GLRA2: variants seen among roughly 807,000 people sequenced by gnomAD.
GLRA2 encodes glycine receptor subunit alpha-2.
In GLRA2, 11 loss-of-function variants were observed where a neutral mutation model predicts 31.6. The observed-to-expected ratio is 0.35, with a 90% CI of 0.22 to 0.58. The LOEUF (loss-of-function observed/expected upper bound fraction) is 0.58. Among genes scored for constraint, GLRA2 ranks in the 20% least tolerant of loss-of-function variants. GLRA2 has a pLI of 0.84. For missense variants in GLRA2, 212 were observed against 351.8 expected, an observed-to-expected ratio of 0.60 and a Z score of 3.18; for synonymous variants, 132 against 134.0, an observed-to-expected ratio of 0.99 and a Z score of 0.10.
the GLRA2 span, among the ~76,000 whole-genome samples, chrX:14,454,897 A>G: frequency 1.8e-5 from 2 of 112,646 alleles, no homozygotes; most frequent in Non-Finnish European, 3.8e-5. Context: ...AGTTTTAAAA[A>G]TAGCTATCCC....
Position 14,688,583 on chromosome X carries a change from T to C in GLRA2, c.931-2127T>C, listed in dbSNP as rs1020799902. ...CTAGCAATGAGTGAGGCTCCGTGGG[T>C]GTGGGACCCTCCGAGCCAGGCGCAG... On this transcript the variant is annotated intron_variant, in intron 7 of 8. Transcript: ENST00000218075. Among the ~76,000 whole-genome samples, 14 of 111,458 alleles carry C rather than the reference T, an allele frequency of 1.3e-4. 1 individual carries two copies. Among genetic ancestry groups the C allele is most frequent in the African/African-American group, 4.6e-4 (14 of 30,689 alleles).
the GLRA2 span, among the ~76,000 whole-genome samples, chrX:14,459,480 C>T: frequency 1.4e-4 from 15 of 109,173 alleles, no homozygotes; most frequent in East Asian, 5.7e-4. Context: ...GCCATTTTCA[C>T]GATATTGATT....
At chrX:14,468,388 T>C in the GLRA2 span, among the ~76,000 whole-genome samples, 1 of 111,752 alleles carries the variant, frequency 8.9e-6, no homozygotes, top group African/African-American at 3.3e-5. Context: ...GTGGGTTAAA[T>C]AGACTTCAAC....
At chrX:14,507,689 C>CTGTTTTTTTTTTTTTTTT in the GLRA2 span, among the ~76,000 whole-genome samples, 1 of 46,629 alleles carries the variant, frequency 2.1e-5, no homozygotes, top group Non-Finnish European at 3.9e-5. Flanking sequence ...GAAAGACATT[C>CTGTTTTTTTTTTTTTTTT]TTTTTTTTTT....
At position 14,660,030 on chromosome X, in the gene GLRA2, G is replaced by A. The variant is rs990114229; in HGVS notation, c.931-30680G>A. Reference sequence around the variant, plus strand: ...TACCAGTCAAAATTTAAAGACCTCCGTAATCTTCTTATAGGTTATATTCCA... The same window carrying A: ...TACCAGTCAAAATTTAAAGACCTCCATAATCTTCTTATAGGTTATATTCCA... On this transcript the variant is annotated intron_variant, in intron 7 of 8. Coordinates refer to ENST00000218075, the MANE Select transcript of GLRA2 (RefSeq NM_002063.4). Among the ~76,000 whole-genome samples, 3 of 111,346 alleles carry A rather than the reference G, an allele frequency of 2.7e-5. No homozygotes were observed. In the East Asian group the frequency reaches 8.5e-4, roughly 31 times the overall value.
chrX:14,498,967 A>T, the GLRA2 span, among the ~76,000 whole-genome samples: 5 of 112,264 alleles, frequency 4.5e-5, no homozygotes, highest in Non-Finnish European at 7.5e-5. Context: ...GCTGAATAAT[A>T]TTTCATTGTG....
chrX:14,629,740 T>A (rs369262816), intron 7 of GLRA2, among the ~76,000 whole-genome samples: 1 of 111,597 alleles, frequency 9.0e-6, no homozygotes, highest in Non-Finnish European at 1.9e-5. Flanking sequence ...TGTCCATAAC[T>A]CTTTTTGTGT....
At chrX:14,599,964 G>A (rs1329546085) in intron 4 of GLRA2, among the ~76,000 whole-genome samples, 1 of 111,063 alleles carries the variant, frequency 9.0e-6, no homozygotes, top group African/African-American at 3.3e-5. Flanking sequence ...AACAAACTGC[G>A]GAACTGTTAA....
the GLRA2 span, among the ~76,000 whole-genome samples, chrX:14,451,219 T>C: frequency 3.6e-5 from 4 of 111,307 alleles, no homozygotes; most frequent in South Asian, 1.5e-3. Context: ...ACAGACCCTA[T>C]AAAACAACTA....
intron 7 of GLRA2, among the ~76,000 whole-genome samples, chrX:14,618,446 ATATAG>A (rs757370957): frequency 2.7e-5 from 3 of 112,055 alleles, no homozygotes; most frequent in Non-Finnish European, 5.6e-5. Flanking sequence ...TTAAACAGAG[ATATAG>A]TATGGTAATG....
At chrX:14,706,979 T>C (rs1212119586) in intron 8 of GLRA2, among the ~76,000 whole-genome samples, 3 of 111,448 alleles carry the variant, frequency 2.7e-5, no homozygotes, top group South Asian at 3.8e-4. Flanking sequence ...CACAGAATCA[T>C]TGAATGTTCT....
At chrX:14,642,952 T>C (rs751260051) in intron 7 of GLRA2, among the ~76,000 whole-genome samples, 8 of 111,199 alleles carry the variant, frequency 7.2e-5, no homozygotes, top group Non-Finnish European at 1.1e-4. Flanking sequence ...GTGGGCCAGA[T>C]CTAATCAGAC....
upstream of GLRA2, among the ~76,000 whole-genome samples, chrX:14,524,563 C>A (rs1441128335): frequency 8.9e-6 from 1 of 111,836 alleles, no homozygotes; most frequent in Non-Finnish European, 1.9e-5. Flanking sequence ...CTTTTCTTAA[C>A]TTCTTCATAT....
Position 14,650,139 on chromosome X carries a change from G to C in GLRA2, c.931-40571G>C, listed in dbSNP as rs780839952. ...ATCTAAACACACCATAATTACTATA[G>C]GGAAATCTTTGATGCAATATTACAA... On this transcript the variant is annotated intron_variant, in intron 7 of 8. Coordinates refer to ENST00000218075, the MANE Select transcript of GLRA2 (RefSeq NM_002063.4). Among the ~76,000 whole-genome samples the C allele has an allele frequency of 2.8e-4, 31 of 111,464 alleles. No individual in the cohort carries two copies. The South Asian group carries it at 0.011, about 40-fold the overall frequency.
the GLRA2 span, among the ~76,000 whole-genome samples, chrX:14,520,765 CT>C: frequency 8.9e-6 from 1 of 112,464 alleles, no homozygotes; most frequent in Non-Finnish European, 1.9e-5. Context: ...GCAAGCTGGA[CT>C]TTTGAAAATT....
intron 2 of GLRA2, among the ~76,000 whole-genome samples, chrX:14,537,043 G>C (rs185118208): frequency 3.6e-5 from 4 of 111,139 alleles, no homozygotes; most frequent in African/African-American, 1.3e-4. Context: ...AAATACATAG[G>C]CTATAGTTAT....
chrX:14,622,002 T>C, intron 7 of GLRA2, among the ~76,000 whole-genome samples: 1 of 112,238 alleles, frequency 8.9e-6, no homozygotes, highest in East Asian at 2.8e-4. Flanking sequence ...TTCCTATTTC[T>C]CCACATTCTC....
At chrX:14,595,855 A>G (rs763746941) in intron 4 of GLRA2, among the ~76,000 whole-genome samples, 28 of 112,267 alleles carry the variant, frequency 2.5e-4, no homozygotes, top group African/African-American at 9.0e-4. Context: ...TCAATAATAA[A>G]TTGAAACTAT....
intron 8 of GLRA2, among the ~76,000 whole-genome samples, chrX:14,724,147 CGTATATGTATATGTGT>C (rs1215855717): frequency 9.0e-6 from 1 of 111,274 alleles, no homozygotes; most frequent in East Asian, 2.8e-4. Context: ...TATATGCATT[CGTATATGTATATGTGT>C]GTATATGTAT....
Sources: gnomAD v4.1 joint callset for allele counts (sites outside exome capture counted in the v4.1 genomes callset) on GRCh38, gnomAD v4.1.1 for gene constraint, MANE v1.5 for transcripts, NCBI Gene and HGNC (gene_info 2026-07-23, HGNC 2026-07-21) for gene names.